Variants in KANSL1L observed in about 807,000 individuals in gnomAD.
KANSL1L encodes KAT8 regulatory NSL complex subunit 1 like, also known as KAT8 regulatory NSL complex subunit 1-like protein.
In KANSL1L, 25 loss-of-function variants were observed where a neutral mutation model predicts 108.6. The ratio of observed to expected loss-of-function variants is 0.23; its 90% CI spans 0.17 to 0.32. The LOEUF is 0.32. Among genes scored for constraint, KANSL1L ranks in the 10% least tolerant of loss-of-function variants. KANSL1L has a pLI of 1.00. For synonymous variants in KANSL1L, 405 were observed against 395.1 expected, an observed-to-expected ratio of 1.03 and a Z score of -0.30; for missense variants, 1,137 against 1,125.7, an observed-to-expected ratio of 1.01 and a Z score of -0.14.
chr2:210,125,726 AG>A (rs2125526787), intron 3 of KANSL1L, among the ~76,000 whole-genome samples: 2 of 152,376 alleles, frequency 1.3e-5, no homozygotes, highest in South Asian at 4.1e-4. Context: ...TGAAGGAGAA[AG>A]AAAACCCTAT....
chr2:210,071,896 T>A (rs982756182), intron 6 of KANSL1L, among the ~76,000 whole-genome samples: 27 of 152,350 alleles, frequency 1.8e-4, no homozygotes, highest in African/African-American at 6.3e-4. Context: ...ACATGGCTGG[T>A]ACCATTCCAG....
At chr2:210,028,803 G>GGGAA in intron 11 of KANSL1L, 42 bp downstream of exon 11, 1 of 1,396,614 alleles carries the variant, frequency 7.2e-7, no homozygotes, top group South Asian at 1.3e-5. Flanking sequence ...AAGTTTATTA[G>GGGAA]GGAAGGAAGG....
chr2:210,114,309 T>C (rs191088725), intron 3 of KANSL1L, among the ~76,000 whole-genome samples: 3 of 151,542 alleles, frequency 2.0e-5, no homozygotes, highest in Admixed American at 6.6e-5. Flanking sequence ...CAAGACAAAA[T>C]AACAACAACA....
chr2:210,116,640 T>G (rs548867036), intron 3 of KANSL1L, among the ~76,000 whole-genome samples: 2 of 152,270 alleles, frequency 1.3e-5, no homozygotes, highest in South Asian at 2.1e-4. Flanking sequence ...CCGAGACTAC[T>G]GAGGTCATAC....
At position 210,052,745 on chromosome 2, in the gene KANSL1L, A is replaced by C. The variant is rs187167669; in HGVS notation, c.1756-8641T>G. On this transcript the variant is annotated intron_variant, in intron 6 of 14. Transcript: ENST00000281772. Reference sequence around the variant, plus strand: ...GAACCCTTTCTGTCATGTTCACCACAGTATCTCCAATGCCTAGGCACTGTG... The same window carrying C: ...GAACCCTTTCTGTCATGTTCACCACCGTATCTCCAATGCCTAGGCACTGTG... Among the ~76,000 whole-genome samples the C allele has an allele frequency of 3.0e-3, 464 of 152,352 alleles. 2 individuals are homozygous for C. Among genetic ancestry groups the C allele is most frequent in the Non-Finnish European group, 5.4e-3 (364 of 68,036 alleles).
chr2:210,062,116 T>A (rs890976052), intron 6 of KANSL1L, among the ~76,000 whole-genome samples: 3 of 152,192 alleles, frequency 2.0e-5, no homozygotes, highest in African/African-American at 7.2e-5. Context: ...TTCCCATGTG[T>A]TGTGGGAGGG....
chr2:210,070,878 A>T (rs2094502898), intron 6 of KANSL1L, among the ~76,000 whole-genome samples: 1 of 152,048 alleles, frequency 6.6e-6, no homozygotes, highest in African/African-American at 2.4e-5. Context: ...AAACATATGT[A>T]GCCGGGTGCA....
At position 210,170,963 on chromosome 2, in the gene KANSL1L, T is replaced by C. The variant is rs576266732; in HGVS notation, c.-30+186A>G. Among the ~76,000 whole-genome samples the C allele has an allele frequency of 5.4e-3, 728 of 134,084 alleles. 12 individuals carry two copies. The highest frequency in any genetic ancestry group is 0.019 in the African/African-American group (672 of 36,006). The allele number at this position is 134,084 out of a possible 152,430, so 88.0% of individuals were successfully genotyped here. A position where few individuals can be genotyped will look rare whatever the true frequency, so the allele number is the denominator to read the frequency against. On this transcript the variant is annotated intron_variant, in intron 1 of 14. Coordinates refer to ENST00000281772, the MANE Select transcript of KANSL1L (RefSeq NM_152519.4). ...TTTGGCTGCGGTCAGACCCCCGCCCTAGAGCGCGATCCCGTGCCGAGACCA... is the reference window on the plus strand; with the variant it reads ...TTTGGCTGCGGTCAGACCCCCGCCCCAGAGCGCGATCCCGTGCCGAGACCA...
At position 210,027,316 on chromosome 2, in the gene KANSL1L, A is replaced by G; in HGVS notation, c.2431T>C (p.Tyr811His). Reference protein sequence around the residue: ...RMVVLQPLDEYNLGKEEIEDL... With the variant: ...RMVVLQPLDEHNLGKEEIEDL... ...CTTACCTCTTCTTTGCCTAAATTAT[A>G]TTCATCCAAAGGCTGAAGAACAACC... Residue 811 changes from tyrosine (Y) to histidine (H), a missense_variant, in exon 12 of 15, where the codon TAT becomes CAT. Tyr to His is a moderately conservative substitution (Grantham distance 83). Coordinates refer to ENST00000281772, the MANE Select transcript of KANSL1L (RefSeq NM_152519.4). The G allele has an allele frequency of 6.2e-7, 1 of 1,612,290 alleles. No homozygotes were observed.
chr2:210,093,662 ATTTCTAATTTTT>A, intron 5 of KANSL1L, among the ~76,000 whole-genome samples: 7 of 152,320 alleles, frequency 4.6e-5, no homozygotes, highest in African/African-American at 1.7e-4. Context: ...ATATTTGCTA[ATTTCTAATTTTT>A]GAAATAAACA....
At chr2:210,148,125 T>A (rs2095278264) in intron 2 of KANSL1L, among the ~76,000 whole-genome samples, 1 of 152,154 alleles carries the variant, frequency 6.6e-6, no homozygotes, top group Non-Finnish European at 1.5e-5. Flanking sequence ...GCTGACCAAT[T>A]TAGGGAAATA....
chr2:210,030,844 T>G (rs2094006810), intron 9 of KANSL1L: 2 of 152,112 alleles, frequency 1.3e-5, no homozygotes. Context: ...GTCTAGTTAT[T>G]TATTTGTAGT....
At chr2:210,138,911 C>G (rs1247028106) in intron 2 of KANSL1L, among the ~76,000 whole-genome samples, 1 of 151,972 alleles carries the variant, frequency 6.6e-6, no homozygotes, top group East Asian at 1.9e-4. Flanking sequence ...CCAGCCTGGA[C>G]AACATGGCGA....
At chr2:210,103,091 GA>G (rs1415009270) in intron 4 of KANSL1L, among the ~76,000 whole-genome samples, 1 of 152,140 alleles carries the variant, frequency 6.6e-6, no homozygotes, top group Non-Finnish European at 1.5e-5. Context: ...TGATAGACTG[GA>G]TTAAGAAAAT....
At chr2:210,033,740 G>A (rs1193233987) in intron 8 of KANSL1L, among the ~76,000 whole-genome samples, 1 of 141,394 alleles carries the variant, frequency 7.1e-6, no homozygotes, top group African/African-American at 2.6e-5. Context: ...GGGTTTCACC[G>A]TGTTATCCAG....
intron 2 of KANSL1L, among the ~76,000 whole-genome samples, chr2:210,146,039 T>C (rs898795866): frequency 5.3e-5 from 8 of 152,000 alleles, no homozygotes; most frequent in Non-Finnish European, 1.0e-4. Flanking sequence ...TCTTTGGGGA[T>C]CCACAGTGGT....
intron 3 of KANSL1L, 131 bp downstream of exon 3, chr2:210,128,900 T>C (rs2095093465): frequency 1.6e-6 from 1 of 633,116 alleles, no homozygotes; most frequent in African/African-American, 1.9e-5. Flanking sequence ...TATAATAATA[T>C]ATCAAAAATT....
intron 2 of KANSL1L, among the ~76,000 whole-genome samples, chr2:210,130,471 GAATT>G (rs2095110006): frequency 6.6e-6 from 1 of 152,070 alleles, no homozygotes; most frequent in East Asian, 1.9e-4. Flanking sequence ...TTGCTATATA[GAATT>G]TATTCATTAT....
chr2:210,037,394 C>A (rs994676656), intron 8 of KANSL1L, among the ~76,000 whole-genome samples: 1 of 151,920 alleles, frequency 6.6e-6, no homozygotes, highest in Non-Finnish European at 1.5e-5. Flanking sequence ...CATTTTTTTC[C>A]CTTTTGAAAA....
Sources: allele counts gnomAD v4.1 joint callset (sites outside exome capture counted in the v4.1 genomes callset), GRCh38; gene constraint gnomAD v4.1.1; transcripts MANE v1.5; gene names NCBI Gene and HGNC (gene_info 2026-07-23, HGNC 2026-07-21).